The following NPR3 variants were observed in gnomAD, a reference collection of about 807,000 sequenced individuals.
NPR3 encodes atrial natriuretic peptide receptor 3.
Under a neutral mutation model 54.5 loss-of-function variants are expected in NPR3, and 34 were observed. That is an observed-to-expected ratio of 0.62 (90% confidence interval 0.47 to 0.83). The LOEUF (loss-of-function observed/expected upper bound fraction) is 0.83, where lower values mean the gene tolerates loss of function less well. NPR3 is among the 40% of genes least tolerant of loss of function. The probability of loss-of-function intolerance (pLI) is 0.00; values close to 1 mark genes in which losing one functional copy is unlikely to be tolerated. For missense variants in NPR3, 674 were observed against 720.8 expected, an observed-to-expected ratio of 0.94 and a Z score of 0.74; for synonymous variants, 289 against 297.1, an observed-to-expected ratio of 0.97 and a Z score of 0.28.
At position 32,739,042 on chromosome 5, in the gene NPR3, A is replaced by G; in HGVS notation, c.1059+12A>G. On this transcript the variant is annotated intron_variant, in intron 3 of 7. Coordinates refer to ENST00000265074, the MANE Select transcript of NPR3 (RefSeq NM_001204375.2). The stretch of plus-strand genomic sequence containing the variant: ...ATATGGAGGATTACGTAAGTGCCTG[A>G]TTATGAGCCTAGACCTTTAGCATCC... The G allele has an allele frequency of 6.2e-7, 1 of 1,612,952 alleles. No individual in the cohort carries two copies. The highest frequency in any genetic ancestry group is 1.3e-5 in the African/African-American group (1 of 75,018).
At chr5:32,765,696 G>C (rs972291986) in intron 3 of NPR3, among the ~76,000 whole-genome samples, 6 of 152,200 alleles carry the variant, frequency 3.9e-5, no homozygotes, top group Admixed American at 2.6e-4. Context: ...AAGGAAGGAG[G>C]AATTGGATGG....
intron 1 of NPR3, among the ~76,000 whole-genome samples, chr5:32,715,403 A>G (rs1019886784): frequency 1.3e-5 from 2 of 152,216 alleles, no homozygotes; most frequent in Admixed American, 1.3e-4. Flanking sequence ...TTGAACAAGT[A>G]AAAAACTGAC....
chr5:32,751,276 A>G (rs1740560354), intron 3 of NPR3, among the ~76,000 whole-genome samples: 1 of 152,204 alleles, frequency 6.6e-6, no homozygotes, highest in South Asian at 2.1e-4. Context: ...AATGAGAGAG[A>G]AAAAGGTGAA....
intron 1 of NPR3, among the ~76,000 whole-genome samples, chr5:32,694,260 A>G (rs1277692109): frequency 6.6e-6 from 1 of 152,260 alleles, no homozygotes; most frequent in African/African-American, 2.4e-5. Flanking sequence ...AGCCACTGTT[A>G]ACAAGCAAAC....
intron 2 of NPR3, among the ~76,000 whole-genome samples, chr5:32,733,569 G>A (rs536974041): frequency 2.0e-5 from 3 of 152,160 alleles, no homozygotes; most frequent in African/African-American, 7.2e-5. Flanking sequence ...GAGAACAGAA[G>A]TATAGTAGAG....
At chr5:32,749,813 C>T (rs1250061204) in intron 3 of NPR3, among the ~76,000 whole-genome samples, 1 of 152,196 alleles carries the variant, frequency 6.6e-6, no homozygotes. Context: ...CATCTTCAGA[C>T]AATAAAACTA....
At chr5:32,723,589 A>G (rs940095560) in intron 1 of NPR3, among the ~76,000 whole-genome samples, 2 of 152,228 alleles carry the variant, frequency 1.3e-5, no homozygotes, top group Non-Finnish European at 2.9e-5. Flanking sequence ...CTTTTTCAGG[A>G]CAATGCATTT....
intron 1 of NPR3, among the ~76,000 whole-genome samples, chr5:32,691,123 A>G (rs1740377901): frequency 6.6e-6 from 1 of 152,200 alleles, no homozygotes; most frequent in African/African-American, 2.4e-5. Flanking sequence ...TGCTGTTTTA[A>G]GATACTAAGT....
rs1211115859 is a variant in NPR3 at position 32,764,571 on chromosome 5, T to C, written c.1060-10137T>C. On this transcript the variant is annotated intron_variant, in intron 3 of 7. Coordinates refer to ENST00000265074, the MANE Select transcript of NPR3 (RefSeq NM_001204375.2). ...GGGAGGCCGAGGCGGGTGGATCACC[T>C]GAGGTCAAAGGTTTGAGATTAGCCT... Among the ~76,000 whole-genome samples, 4 of 151,932 alleles carry C rather than the reference T, an allele frequency of 2.6e-5. No individual in the cohort carries two copies. The South Asian group carries it at 8.3e-4, about 32-fold the overall frequency.
chr5:32,692,490 C>T (rs1357885952), intron 1 of NPR3, among the ~76,000 whole-genome samples: 1 of 152,148 alleles, frequency 6.6e-6, no homozygotes, highest in Non-Finnish European at 1.5e-5. Context: ...ACAATGTCAG[C>T]TTGATGAAAT....
chr5:32,710,892 ATATGTGTG>A, upstream of NPR3: 1 of 850,218 alleles, frequency 1.2e-6, no homozygotes, highest in Non-Finnish European at 1.6e-6. Context: ...GTGTGTGTGT[ATATGTGTG>A]TGTGTGTGTG....
chr5:32,692,915 G>A (rs999786983), intron 1 of NPR3, among the ~76,000 whole-genome samples: 1 of 152,154 alleles, frequency 6.6e-6, no homozygotes, highest in Non-Finnish European at 1.5e-5. Flanking sequence ...GAGCCCAGAA[G>A]TTTGAGACCC....
intron 1 of NPR3, among the ~76,000 whole-genome samples, chr5:32,721,726 G>T (rs1236662988): frequency 6.6e-6 from 1 of 152,102 alleles, no homozygotes; most frequent in Non-Finnish European, 1.5e-5. Context: ...GTGGTGGTGG[G>T]GTATGTCTTA....
At chr5:32,775,871 A>G (rs901260426) in intron 4 of NPR3, among the ~76,000 whole-genome samples, 6 of 152,138 alleles carry the variant, frequency 3.9e-5, no homozygotes, top group African/African-American at 1.2e-4. Flanking sequence ...CTTTCTTAAT[A>G]ACAGGGAACT....
chr5:32,755,699 AG>A (rs1363680876), intron 3 of NPR3, among the ~76,000 whole-genome samples: 3 of 152,206 alleles, frequency 2.0e-5, no homozygotes, highest in Non-Finnish European at 1.5e-5. Flanking sequence ...TGGTTTGGAA[AG>A]ATCTGTGTCT....
At position 32,762,226 on chromosome 5, in the gene NPR3, C is replaced by A. The variant is rs532553601; in HGVS notation, c.1060-12482C>A. Reference sequence around the variant, plus strand: ...CATTTGGGTTGGTTCCAAGTCTTTGCTGTTGTGAACAGTGCTGCAATAAAC... The same window carrying A: ...CATTTGGGTTGGTTCCAAGTCTTTGATGTTGTGAACAGTGCTGCAATAAAC... On this transcript the variant is annotated intron_variant, in intron 3 of 7. Transcript: ENST00000265074. Among the ~76,000 whole-genome samples the A allele has an allele frequency of 4.6e-5, 7 of 152,174 alleles. No individual in the cohort carries two copies. The East Asian group carries it at 1.4e-3, about 29-fold the overall frequency.
Position 32,751,292 on chromosome 5 carries a change from T to C in NPR3, c.1059+12262T>C, listed in dbSNP as rs114461390. Among the ~76,000 whole-genome samples the C allele has an allele frequency of 5.9e-3, 891 of 152,290 alleles. 7 individuals are homozygous for C. The highest frequency in any genetic ancestry group is 9.6e-3 in the Non-Finnish European group (651 of 68,026). On this transcript the variant is annotated intron_variant, in intron 3 of 7. Transcript: ENST00000265074. ...ATGAGAGAGAAAAAGGTGAAAAATA[T>C]TTGAGGATATAAACTTGTTGAAAGG...
intron 3 of NPR3, among the ~76,000 whole-genome samples, chr5:32,758,253 C>A (rs1307062878): frequency 6.6e-6 from 1 of 151,860 alleles, no homozygotes; most frequent in East Asian, 1.9e-4. Context: ...TGGTTGGTAG[C>A]CTATTAATTA....
intron 3 of NPR3, among the ~76,000 whole-genome samples, chr5:32,744,428 C>T (rs370337291): frequency 8.6e-5 from 13 of 152,038 alleles, no homozygotes; most frequent in Admixed American, 3.9e-4. Flanking sequence ...AGACTTAGTT[C>T]GTTAGTTTAC....
Sources: gnomAD v4.1 joint callset for allele counts (sites outside exome capture counted in the v4.1 genomes callset) on GRCh38, gnomAD v4.1.1 for gene constraint, MANE v1.5 for transcripts, NCBI Gene and HGNC (gene_info 2026-07-23, HGNC 2026-07-21) for gene names.